Variants in IGSF3 observed in about 807,000 individuals in gnomAD.
IGSF3 encodes the protein immunoglobulin superfamily member 3, also known as glu-Trp-Ile EWI motif-containing protein 3.
In IGSF3, 23 loss-of-function variants were observed where a neutral mutation model predicts 114.4. The observed-to-expected ratio is 0.20, with a 90% CI of 0.14 to 0.28. The LOEUF (loss-of-function observed/expected upper bound fraction) is 0.28. Among genes scored for constraint, IGSF3 ranks in the 10% least tolerant of loss-of-function variants. The probability of loss-of-function intolerance (pLI) is 1.00; values close to 1 mark genes in which losing one functional copy is unlikely to be tolerated. For missense variants in IGSF3, 1,172 were observed against 1,591.5 expected, an observed-to-expected ratio of 0.74 and a Z score of 4.48; for synonymous variants, 571 against 645.2, an observed-to-expected ratio of 0.88 and a Z score of 1.74.
rs746717499 is a variant in IGSF3, at chr1:116,579,359, G to A, written c.3334+33C>T. 4 of 1,521,732 alleles carry A rather than the reference G, an allele frequency of 2.6e-6. No homozygotes were observed. Among genetic ancestry groups the A allele is most frequent in the Admixed American group, 2.2e-5 (1 of 45,994 alleles). 94.3% of individuals were successfully genotyped at this position (1,521,732 alleles called of 1,614,324 possible). ...CTTCCAGACACAGTTGGAACCAACA[G>A]TGACATCCTCCCTCTGTACTTGGGA... On this transcript the variant is annotated intron_variant, in intron 10 of 10. Coordinates refer to ENST00000369486, the MANE Select transcript of IGSF3 (RefSeq NM_001007237.3). The surrounding 1 kb of genome is among the most constrained non-coding windows in gnomAD (Gnocchi z 6.4).
In IGSF3 at chr1:116,589,745, C is replaced by T. The variant is rs1660017532; in HGVS notation, c.2030-641G>A. Among the ~76,000 whole-genome samples the T allele has an allele frequency of 6.6e-6, 1 of 152,192 alleles. No homozygotes were observed. Among genetic ancestry groups the T allele is most frequent in the African/African-American group, 2.4e-5 (1 of 41,436 alleles). ...GGCTGTGTGTCCTCACATCTCTCTC[C>T]CATATCCTAGATGGTGAGCTCCCCC... On this transcript the variant is annotated intron_variant, in intron 7 of 10. Coordinates refer to ENST00000369486, the MANE Select transcript of IGSF3 (RefSeq NM_001007237.3). The surrounding 1 kb of genome is among the most constrained non-coding windows in gnomAD (Gnocchi z 5.7).
chr1:116,588,614 C>T lies in IGSF3; in HGVS notation c.2440+80G>A, dbSNP rs940072741. On this transcript the variant is annotated intron_variant, in intron 8 of 10. Transcript: ENST00000369486. This position sits in a 1 kb window ranked among gnomAD's most constrained non-coding sequence, Gnocchi z 4.9. ...CTTGCAGACAGTCTCTCCACACCAG[C>T]CCCACAGATCCCCACCCACCCCCAG... 1.1e-5 allele frequency: 15 copies of T among 1,308,402 alleles called. No homozygotes were observed. The highest frequency in any genetic ancestry group is 1.6e-5 in the Non-Finnish European group (15 of 952,526). 81.0% of individuals were successfully genotyped at this position (1,308,402 alleles called of 1,614,324 possible). A position where few individuals can be genotyped will look rare whatever the true frequency, so the allele number is the denominator to read the frequency against.
In IGSF3 at chr1:116,586,910, C is replaced by T. The variant is rs552730047; in HGVS notation, c.2440+1784G>A. 6.6e-5 allele frequency among the ~76,000 whole-genome samples: 10 copies of T among 152,100 alleles called. No individual in the cohort carries two copies. The East Asian group carries it at 1.4e-3, about 21-fold the overall frequency. On this transcript the variant is annotated intron_variant, in intron 8 of 10. Transcript: ENST00000369486. ...GGCCTGAAGTCAGGACATATGTCAC[C>T]GAAAATGCCAATGGGAATCACTTCA...
intron 2 of IGSF3, among the ~76,000 whole-genome samples, chr1:116,656,142 G>A (rs1445334969): frequency 6.6e-6 from 1 of 152,038 alleles, no homozygotes; most frequent in East Asian, 1.9e-4. Context: ...TGTTCCGCAT[G>A]ATTCCATTTA....
At chr1:116,630,822 T>A (rs1647540665) in intron 2 of IGSF3, among the ~76,000 whole-genome samples, 2 of 152,092 alleles carry the variant, frequency 1.3e-5, no homozygotes, top group Admixed American at 1.3e-4. Flanking sequence ...TTCTGCTAGA[T>A]CATGGTGGGG....
chr1:116,592,630 C>T lies in IGSF3; in HGVS notation c.2030-3526G>A, dbSNP rs1270319464. Among the ~76,000 whole-genome samples the T allele has an allele frequency of 6.6e-6, 1 of 152,170 alleles. No homozygotes were observed. The highest frequency in any genetic ancestry group is 1.5e-5 in the Non-Finnish European group (1 of 68,030). On this transcript the variant is annotated intron_variant, in intron 7 of 10. Transcript: ENST00000369486. The surrounding 1 kb of genome is among the most constrained non-coding windows in gnomAD (Gnocchi z 4.5). ...ACCAGCAGCAGCTTTCTCAGCCAGC[C>T]TACCCTCCCTTCGGATTCCACTCTG...
chr1:116,609,224 T>G (rs1660918778), intron 4 of IGSF3, among the ~76,000 whole-genome samples: 1 of 151,770 alleles, frequency 6.6e-6, no homozygotes, highest in Admixed American at 6.6e-5. Flanking sequence ...CCTCCTAAGA[T>G]CTAGGTGTTT....
intron 8 of IGSF3, among the ~76,000 whole-genome samples, chr1:116,586,319 A>G (rs1659841305): frequency 6.6e-6 from 1 of 152,130 alleles, no homozygotes. Context: ...AAAAGAAGAT[A>G]TTGACTCTGG....
chr1:116,587,094 G>A (rs1309646661), intron 8 of IGSF3, among the ~76,000 whole-genome samples: 1 of 152,074 alleles, frequency 6.6e-6, no homozygotes, highest in Non-Finnish European at 1.5e-5. Flanking sequence ...TTGGTATCGG[G>A]TTCCACTGGC....
rs1307369560 is a variant in IGSF3, at chr1:116,627,693, G to T, written c.44-11236C>A. Among the ~76,000 whole-genome samples the T allele has an allele frequency of 6.6e-6, 1 of 152,214 alleles. No individual in the cohort carries two copies. Among genetic ancestry groups the T allele is most frequent in the Non-Finnish European group, 1.5e-5 (1 of 68,038 alleles). Reference sequence around the variant, plus strand: ...AAAAGCACTTGGGGGGCTTTTTCAAGTGGCATCAGAACTAGACCTGGATAC... The same window carrying T: ...AAAAGCACTTGGGGGGCTTTTTCAATTGGCATCAGAACTAGACCTGGATAC... On this transcript the variant is annotated intron_variant, in intron 2 of 10. Transcript: ENST00000369486. This position sits in a 1 kb window ranked among gnomAD's most constrained non-coding sequence, Gnocchi z 4.7.
At position 116,642,566 on chromosome 1, in the gene IGSF3, A is replaced by G. The variant is rs1249515423; in HGVS notation, c.43+23718T>C. ...GCCTAGAACGGAGCTAAAAACTGTC[A>G]TAGTGGTGGGAAGAAGCAGATTGGT... On this transcript the variant is annotated intron_variant, in intron 2 of 10. Coordinates refer to ENST00000369486, the MANE Select transcript of IGSF3 (RefSeq NM_001007237.3). The surrounding 1 kb of genome is among the most constrained non-coding windows in gnomAD (Gnocchi z 5.4). Among the ~76,000 whole-genome samples, 1 of 152,244 alleles carries G rather than the reference A, an allele frequency of 6.6e-6. No individual in the cohort carries two copies. The highest frequency in any genetic ancestry group is 2.4e-5 in the African/African-American group (1 of 41,466).
rs185574050 is a variant in IGSF3 at position 116,592,431 on chromosome 1, T to C, written c.2030-3327A>G. Among the ~76,000 whole-genome samples, 101 of 152,320 alleles carry C rather than the reference T, an allele frequency of 6.6e-4. No homozygotes were observed. The highest frequency in any genetic ancestry group is 2.3e-3 in the African/African-American group (96 of 41,576). On this transcript the variant is annotated intron_variant, in intron 7 of 10. Transcript: ENST00000369486. This position sits in a 1 kb window ranked among gnomAD's most constrained non-coding sequence, Gnocchi z 4.5. ...CAGCCCCCAGAGGCCAGGCCCTGCTTTGAGGGAGTGGCCCTTTCTTTCTGC... is the reference window on the plus strand; with the variant it reads ...CAGCCCCCAGAGGCCAGGCCCTGCTCTGAGGGAGTGGCCCTTTCTTTCTGC...
chr1:116,583,102 G>T lies in IGSF3; in HGVS notation c.2848+1543C>A, dbSNP rs1243676245. On this transcript the variant is annotated intron_variant, in intron 9 of 10. Transcript: ENST00000369486. This position sits in a 1 kb window ranked among gnomAD's most constrained non-coding sequence, Gnocchi z 4.5. ...TGGGTGGTGATTCGCTCCATGCTTT[G>T]GTCCCTCATGAGTAAAACCTACCAC... 2.0e-5 allele frequency among the ~76,000 whole-genome samples: 3 copies of T among 152,254 alleles called. No homozygotes were observed. The highest frequency in any genetic ancestry group is 6.5e-5 in the Admixed American group (1 of 15,302).
chr1:116,614,240 A>G lies in IGSF3; in HGVS notation c.422-65T>C. ...CACAGAATCTGAGACTCCCAGGGCT[A>G]AGCTCCCATTCCACGCAGGCGTCAC... On this transcript the variant is annotated intron_variant, in intron 3 of 10. Coordinates refer to ENST00000369486, the MANE Select transcript of IGSF3 (RefSeq NM_001007237.3). This position sits in a 1 kb window ranked among gnomAD's most constrained non-coding sequence, Gnocchi z 4.5. 2 of 1,381,156 alleles carry G rather than the reference A, an allele frequency of 1.4e-6. No individual in the cohort carries two copies. Among genetic ancestry groups the G allele is most frequent in the Non-Finnish European group, 2.0e-6 (2 of 982,166 alleles). 85.6% of individuals were successfully genotyped at this position (1,381,156 alleles called of 1,614,324 possible). A position where few individuals can be genotyped will look rare whatever the true frequency, so the allele number is the denominator to read the frequency against.
intron 1 of IGSF3, 63 bp downstream of exon 1, chr1:116,667,526 CACTCCCCGCTCCCCGCTCCCCGCTCCACG>C (rs1157419333): frequency 1.4e-5 from 2 of 147,438 alleles, no homozygotes; most frequent in South Asian, 4.3e-4. Context: ...GCCCGCTCCC[CACTCCCCGCTCCCCGCTCCCCGCTCCACG>C]CCTCCCCGCC....
chr1:116,637,807 T>A (rs10923126), intron 2 of IGSF3, among the ~76,000 whole-genome samples: 9,135 of 152,276 alleles, frequency 0.06, 902 homozygotes, highest in African/African-American at 0.21. Flanking sequence ...CCTTCTTGCC[T>A]TAAAGTCATA....
chr1:116,660,514 T>G (rs1026376973), intron 2 of IGSF3, among the ~76,000 whole-genome samples: 3 of 144,208 alleles, frequency 2.1e-5, no homozygotes, highest in Non-Finnish European at 3.0e-5. Context: ...AGACAGAGTC[T>G]TGCTCTGTGG....
Position 116,584,786 on chromosome 1 carries a change from G to C in IGSF3, c.2707C>G (p.Leu903Val). 6.2e-7 allele frequency: 1 copy of C among 1,614,254 alleles called. No individual in the cohort carries two copies. Among genetic ancestry groups the C allele is most frequent in the Non-Finnish European group, 8.5e-7 (1 of 1,180,054 alleles). The change falls in exon 9 of 11, where the codon CTC becomes GTC. Residue 903 changes from leucine (L) to valine (V), a missense_variant. Transcript: ENST00000369486. The surrounding 1 kb of genome is among the most constrained non-coding windows in gnomAD (Gnocchi z 5.8). ...TGCACAGCCACGTTCTGGATGAAGAGACGGTACACGCCGGGGGAAGGACTC... is the reference window on the plus strand; with the variant it reads ...TGCACAGCCACGTTCTGGATGAAGACACGGTACACGCCGGGGGAAGGACTC... ...LESPSPGVYR[L>V]FIQNVAVQDS...
rs1647415683 is a variant in IGSF3 at position 116,628,642 on chromosome 1, G to A, written c.44-12185C>T. ...ACTCATAAAGCATGAACATCTACACGTAACTAAAAATAAATACTGAGAGCA... is the reference window on the plus strand; with the variant it reads ...ACTCATAAAGCATGAACATCTACACATAACTAAAAATAAATACTGAGAGCA... On this transcript the variant is annotated intron_variant, in intron 2 of 10. Coordinates refer to ENST00000369486, the MANE Select transcript of IGSF3 (RefSeq NM_001007237.3). This position sits in a 1 kb window ranked among gnomAD's most constrained non-coding sequence, Gnocchi z 4.2. Among the ~76,000 whole-genome samples, 4 of 152,214 alleles carry A rather than the reference G, an allele frequency of 2.6e-5. No individual in the cohort carries two copies. The highest frequency in any genetic ancestry group is 2.1e-4 in the South Asian group (1 of 4,818).
Sources: gnomAD v4.1 joint callset for allele counts (sites outside exome capture counted in the v4.1 genomes callset) on GRCh38, gnomAD v4.1.1 for gene constraint, Gnocchi (gnomAD v3.1) non-coding constraint, MANE v1.5 for transcripts, NCBI Gene and HGNC (gene_info 2026-07-23, HGNC 2026-07-21) for gene names.